TCEAL5: variants seen among roughly 807,000 people sequenced by gnomAD.
TCEAL5 encodes transcription elongation factor A protein-like 5.
For synonymous variants in TCEAL5, 65 were observed against 61.2 expected (o/e 1.06, Z -0.29); for missense variants, 111 against 158.1 (o/e 0.70, Z 1.60).
rs201104941 is a variant in TCEAL5 at position 103,274,243 on chromosome X, C to A, written c.321G>T (p.Pro107=). ...CTTTCCGGGGCACATAATCTTCAGCCGGGCGCTTTTCGGCGGCCCGCGGCT... is the reference window on the plus strand; with the variant it reads ...CTTTCCGGGGCACATAATCTTCAGCAGGGCGCTTTTCGGCGGCCCGCGGCT... ...ESQPRAAEKR[P]AEDYVPRKAK... The change falls in exon 3 of 3, where the codon CCG becomes CCT. Residue 107 remains proline (P), a synonymous_variant. Transcript: ENST00000372680. 3.3e-5 allele frequency: 40 copies of A among 1,209,509 alleles called. No individual in the cohort carries two copies. Among genetic ancestry groups the A allele is most frequent in the Middle Eastern group, 2.3e-4 (1 of 4,374 alleles).
In TCEAL5 at chrX:103,274,375, C is replaced by T. The variant is rs757902637; in HGVS notation, c.189G>A (p.Glu63=). Residue 63 remains glutamate, a synonymous_variant, in exon 3 of 3, where the codon GAG becomes GAA. Coordinates refer to ENST00000372680, the MANE Select transcript of TCEAL5 (RefSeq NM_001012979.3). The stretch of plus-strand genomic sequence containing the variant: ...GGTTTCCCTCATCTTCCAGTTGTCC[C>T]TCATCACCTGGCTCTCCCTCATCCT... ...KREDEGEPGD[E]GQLEDEGNQE... The T allele has an allele frequency of 1.8e-5, 22 of 1,209,308 alleles. No homozygotes were observed. In the South Asian group the frequency reaches 3.7e-4, roughly 20 times the overall value.
At chrX:103,276,069 C>T (rs1925551372) in intron 1 of TCEAL5, among the ~76,000 whole-genome samples, 1 of 111,153 alleles carries the variant, frequency 9.0e-6, no homozygotes, top group Non-Finnish European at 1.9e-5. Context: ...ACAGGGAACT[C>T]AGGCCTGGAC....
chrX:103,274,717 C>A (rs1861004523), intron 2 of TCEAL5, 127 bp from the exon 3 acceptor site: 4 of 623,811 alleles, frequency 6.4e-6, no homozygotes, highest in Non-Finnish European at 9.5e-6. Context: ...GCACTCCCAC[C>A]CTTACATTCC....
intron 1 of TCEAL5, among the ~76,000 whole-genome samples, chrX:103,276,423 G>A (rs913092129): frequency 1.9e-5 from 2 of 108,106 alleles, no homozygotes; most frequent in African/African-American, 6.8e-5. Context: ...CAACCACAGG[G>A]ATCCACAGGC....
Position 103,274,363 on chromosome X carries a change from T to G in TCEAL5, c.201A>C (p.Glu67Asp). 1 of 1,211,577 alleles carries G rather than the reference T, an allele frequency of 8.3e-7. No homozygotes were observed. The highest frequency in any genetic ancestry group is 3.0e-5 in the East Asian group (1 of 33,811). The stretch of plus-strand genomic sequence containing the variant: ...CCTGCTTTTCCTGGTTTCCCTCATC[T>G]TCCAGTTGTCCCTCATCACCTGGCT... ...EGEPGDEGQL[E>D]DEGNQEKQGK... The change falls in exon 3 of 3, where the codon GAA becomes GAC. Residue 67 changes from glutamate (E) to aspartate (D), a missense_variant. Glu to Asp is a conservative substitution (Grantham distance 45). Coordinates refer to ENST00000372680, the MANE Select transcript of TCEAL5 (RefSeq NM_001012979.3).
At position 103,275,312 on chromosome X, in the gene TCEAL5, G is replaced by GTGCA. The variant is rs1925538962; in HGVS notation, c.-66_-65insTGCA. The GTGCA allele has an allele frequency of 9.0e-6, 1 of 111,470 alleles. No individual in the cohort carries two copies. The highest frequency in any genetic ancestry group is 3.3e-5 in the African/African-American group (1 of 30,414). The allele number at this position is 111,470 out of a possible 1,213,427, so 9.2% of individuals were successfully genotyped here. A position where few individuals can be genotyped will look rare whatever the true frequency, so the allele number is the denominator to read the frequency against. ...TGCAGGTCTTTCCTTTTCTTGTCTG[G>GTGCA]GTTAGTGCCCACAACCACAGACTTG... On this transcript the variant is annotated 5_prime_UTR_variant, in exon 2 of 3. Coordinates refer to ENST00000372680, the MANE Select transcript of TCEAL5 (RefSeq NM_001012979.3).
chrX:103,274,322 T>A lies in TCEAL5; in HGVS notation c.242A>T (p.Glu81Val), dbSNP rs752625073. The A allele has an allele frequency of 1.7e-6, 2 of 1,211,801 alleles. No individual in the cohort carries two copies. The highest frequency in any genetic ancestry group is 2.2e-6 in the Non-Finnish European group (2 of 895,489). Residue 81 changes from glutamate (E) to valine (V), a missense_variant, in exon 3 of 3, where the codon GAG becomes GTG. Physicochemically the swap from Glu to Val is moderately radical, Grantham distance 121. Coordinates refer to ENST00000372680, the MANE Select transcript of TCEAL5 (RefSeq NM_001012979.3). ...NQEKQGKSEG[E>V]DKPQSEGKPA... The stretch of plus-strand genomic sequence containing the variant: ...CTTGCCCTCACTTTGTGGCTTGTCC[T>A]CACCTTCAGACTTGCCCTGCTTTTC...
intron 1 of TCEAL5, among the ~76,000 whole-genome samples, chrX:103,276,433 C>CTG (rs1425631255): frequency 9.2e-6 from 1 of 109,230 alleles, no homozygotes; most frequent in Non-Finnish European, 1.9e-5. Context: ...GATCCACAGG[C>CTG]TGTGGATGGG....
chrX:103,276,399 G>A (rs1925561426), intron 1 of TCEAL5, among the ~76,000 whole-genome samples: 1 of 103,029 alleles, frequency 9.7e-6, no homozygotes, highest in Admixed American at 1.1e-4. Flanking sequence ...TCTGGTCTTT[G>A]CCCTCTGCCA....
In TCEAL5 at chrX:103,273,714, A is replaced by T; in HGVS notation, c.*229T>A. The stretch of plus-strand genomic sequence containing the variant: ...TACATGGTTCTGAAAACTCTTTTTT[A>T]TTGTTATTTTACAATGTACCATGAA... On this transcript the variant is annotated 3_prime_UTR_variant, in exon 3 of 3. Coordinates refer to ENST00000372680, the MANE Select transcript of TCEAL5 (RefSeq NM_001012979.3). 1 of 475,831 alleles carries T rather than the reference A, an allele frequency of 2.1e-6. No individual in the cohort carries two copies. Among genetic ancestry groups the T allele is most frequent in the South Asian group, 5.6e-5 (1 of 17,976 alleles). 39.2% of individuals were successfully genotyped at this position (475,831 alleles called of 1,213,427 possible). A position where few individuals can be genotyped will look rare whatever the true frequency, so the allele number is the denominator to read the frequency against.
rs375559088 is a variant in TCEAL5, at chrX:103,274,549, G to A, written c.15C>T (p.Tyr5=). The A allele has an allele frequency of 5.1e-5, 61 of 1,193,884 alleles. No individual in the cohort carries two copies. Among genetic ancestry groups the A allele is most frequent in the Non-Finnish European group, 6.7e-5 (60 of 889,482 alleles). Residue 5 remains tyrosine (Y), a synonymous_variant, in exon 3 of 3, where the codon TAC becomes TAT. Transcript: ENST00000372680. The part of the protein sequence containing the change: MEKL[Y]KENEGKPENE... ...TCTCTGGCTTTCCTTCATTTTCTTTGTAGAGCTTTTCCATGTTGAGATGTT... is the reference window on the plus strand; with the variant it reads ...TCTCTGGCTTTCCTTCATTTTCTTTATAGAGCTTTTCCATGTTGAGATGTT...
Position 103,273,720 on chromosome X carries a change from A to T in TCEAL5, c.*223T>A. The stretch of plus-strand genomic sequence containing the variant: ...GTTCTGAAAACTCTTTTTTATTGTT[A>T]TTTTACAATGTACCATGAACATTTA... On this transcript the variant is annotated 3_prime_UTR_variant, in exon 3 of 3. Coordinates refer to ENST00000372680, the MANE Select transcript of TCEAL5 (RefSeq NM_001012979.3). 2.1e-6 allele frequency: 1 copy of T among 485,665 alleles called. No homozygotes were observed. Among genetic ancestry groups the T allele is most frequent in the South Asian group, 5.4e-5 (1 of 18,407 alleles). 40.0% of individuals were successfully genotyped at this position (485,665 alleles called of 1,213,427 possible). A position where few individuals can be genotyped will look rare whatever the true frequency, so the allele number is the denominator to read the frequency against.
chrX:103,274,382 C>A lies in TCEAL5; in HGVS notation c.182G>T (p.Gly61Val). Residue 61 changes from glycine (G) to valine (V), a missense_variant, in exon 3 of 3, where the codon GGT (glycine) becomes GTT (valine). By Grantham distance (109) the Gly-to-Val change is moderately radical. Coordinates refer to ENST00000372680, the MANE Select transcript of TCEAL5 (RefSeq NM_001012979.3). ...EGKREDEGEP[G>V]DEGQLEDEGN... is the part of the protein sequence containing the mutation. ...CTCATCTTCCAGTTGTCCCTCATCA[C>A]CTGGCTCTCCCTCATCCTCTCGCTT... The A allele has an allele frequency of 8.3e-7, 1 of 1,211,340 alleles. No individual in the cohort carries two copies. The highest frequency in any genetic ancestry group is 1.1e-6 in the Non-Finnish European group (1 of 895,454).
At chrX:103,274,657 C>T in intron 2 of TCEAL5, 67 bp from the exon 3 acceptor site, 1 of 1,045,624 alleles carries the variant, frequency 9.6e-7, no homozygotes, top group South Asian at 2.6e-5. Context: ...CCTTATAGTA[C>T]TTGTCTTTCT....
At chrX:103,274,908 T>A (rs1350128273) in intron 2 of TCEAL5, among the ~76,000 whole-genome samples, 1 of 111,857 alleles carries the variant, frequency 8.9e-6, no homozygotes, top group African/African-American at 3.3e-5. Context: ...GTAGTTCCAA[T>A]TTACACGGAC....
At chrX:103,274,727 C>T in intron 2 of TCEAL5, 137 bp from the exon 3 acceptor site, 3 of 595,541 alleles carry the variant, frequency 5.0e-6, no homozygotes, top group Non-Finnish European at 7.5e-6. Flanking sequence ...CCTTACATTC[C>T]TTCCTTTCCT....
In TCEAL5 at chrX:103,274,827, G is replaced by A. The variant is rs900928837; in HGVS notation, c.-27-237C>T. ...ATTTAAGGAGGATGTGCTGAGAAAT[G>A]CGTAGGAGCATATTGGCCCTTAAAC... On this transcript the variant is annotated intron_variant, in intron 2 of 2. Transcript: ENST00000372680. Among the ~76,000 whole-genome samples the A allele has an allele frequency of 7.1e-5, 8 of 112,008 alleles. No individual in the cohort carries two copies. In the Admixed American group the frequency reaches 7.6e-4, roughly 11 times the overall value.
Position 103,274,010 on chromosome X carries a change from C to T in TCEAL5, c.554G>A (p.Arg185Gln), listed in dbSNP as rs142168370. The change falls in exon 3 of 3, where the codon CGG (arginine) becomes CAG (glutamine). Residue 185 changes from arginine (R) to glutamine (Q), a missense_variant. By Grantham distance (43) the Arg-to-Gln change is conservative. Transcript: ENST00000372680. ...TCCGCCCCTCACTCCCCTCACACCCCGTTGGCCCCTTGGGGCGAATGGATC... is the reference window on the plus strand; with the variant it reads ...TCCGCCCCTCACTCCCCTCACACCCTGTTGGCCCCTTGGGGCGAATGGATC... ...VQDPFAPRGQ[R>Q]GVRGVRGGGR... 5 of 1,210,434 alleles carry T rather than the reference C, an allele frequency of 4.1e-6. No homozygotes were observed. Among genetic ancestry groups the T allele is most frequent in the Non-Finnish European group, 4.5e-6 (4 of 895,367 alleles).
Position 103,274,554 on chromosome X carries a change from G to A in TCEAL5, c.10C>T (p.Leu4Phe), listed in dbSNP as rs1925522424. Residue 4 changes from leucine to phenylalanine, a missense_variant, in exon 3 of 3, where the codon CTC becomes TTC. Coordinates refer to ENST00000372680, the MANE Select transcript of TCEAL5 (RefSeq NM_001012979.3). Reference protein sequence around the residue: MEKLYKENEGKPEN... With the variant: MEKFYKENEGKPEN... ...GGCTTTCCTTCATTTTCTTTGTAGA[G>A]CTTTTCCATGTTGAGATGTTCCCTT... The A allele has an allele frequency of 8.4e-7, 1 of 1,192,428 alleles. No homozygotes were observed. Among genetic ancestry groups the A allele is most frequent in the Non-Finnish European group, 1.1e-6 (1 of 888,379 alleles).
Sources: gnomAD v4.1 joint callset for allele counts (sites outside exome capture counted in the v4.1 genomes callset) on GRCh38, gnomAD v4.1.1 for gene constraint, MANE v1.5 for transcripts, NCBI Gene and HGNC (gene_info 2026-07-23, HGNC 2026-07-21) for gene names.